DNAH6: variants seen among roughly 807,000 people sequenced by gnomAD.
DNAH6 encodes dynein axonemal heavy chain 6, also known as axonemal beta dynein heavy chain 6.
A neutral mutation model predicts 491.4 loss-of-function variants in DNAH6; 340 were observed. The ratio of observed to expected loss-of-function variants is 0.69; its 90% CI spans 0.63 to 0.76. The LOEUF (loss-of-function observed/expected upper bound fraction) is 0.76. Ranked by LOEUF, DNAH6 falls within the 30% of genes least tolerant of loss-of-function variation. The pLI, the probability that DNAH6 is intolerant of heterozygous loss-of-function variation, is 0.00. For synonymous variants in DNAH6, 1,603 were observed against 1,686.1 expected, an observed-to-expected ratio of 0.95 and a Z score of 1.21; for missense variants, 4,443 against 4,972.2, an observed-to-expected ratio of 0.89 and a Z score of 3.20.
At chr2:84,733,752 G>A (rs1404859440) in intron 62 of DNAH6, among the ~76,000 whole-genome samples, 173 bp downstream of exon 62, 1 of 151,892 alleles carries the variant, frequency 6.6e-6, no homozygotes, top group Non-Finnish European at 1.5e-5. Flanking sequence ...CGAATGCTTG[G>A]CCCATGAATT....
At chr2:84,496,759 T>C in the DNAH6 span, among the ~76,000 whole-genome samples, 1 of 152,144 alleles carries the variant, frequency 6.6e-6, no homozygotes, top group African/African-American at 2.4e-5. Context: ...TTCAGTACAG[T>C]GAATTTGTAC....
At chr2:84,470,754 C>A in the DNAH6 span, among the ~76,000 whole-genome samples, 4 of 152,128 alleles carry the variant, frequency 2.6e-5, no homozygotes, top group Non-Finnish European at 4.4e-5. Context: ...TTACCCAGCT[C>A]CTGTTTGTTG....
In DNAH6 at chr2:84,640,574, G is replaced by A. The variant is rs1319377061; in HGVS notation, c.4966G>A (p.Ala1656Thr). 12 of 1,543,454 alleles carry A rather than the reference G, an allele frequency of 7.8e-6. No individual in the cohort carries two copies. Among genetic ancestry groups the A allele is most frequent in the Non-Finnish European group, 9.6e-6 (11 of 1,144,272 alleles). Residue 1656 changes from alanine to threonine, a missense_variant, in exon 32 of 77, where the codon GCT becomes ACT. Around this residue, in one of 3 missense-constraint regions of DNAH6, gnomAD observed 2,977 missense variants for 3,296.6 expected, o/e 0.90. Transcript: ENST00000389394. The stretch of plus-strand genomic sequence containing the variant: ...AGCTGTGAAGTCTGTCCTGGTCATG[G>A]CTGGGTAAGAAACCAAAGTAGTCAA... ...MRAVKSVLVM[A>T]GSLKRENPDL...
chr2:84,718,851 C>T (rs1697810699), intron 59 of DNAH6, among the ~76,000 whole-genome samples: 1 of 152,180 alleles, frequency 6.6e-6, no homozygotes, highest in South Asian at 2.1e-4. Flanking sequence ...AAGTTCTATG[C>T]AGTGGGAATC....
chr2:84,758,640 T>G (rs937559050), intron 63 of DNAH6, among the ~76,000 whole-genome samples: 6 of 152,174 alleles, frequency 3.9e-5, no homozygotes, highest in Non-Finnish European at 8.8e-5. Flanking sequence ...TGATTTAACG[T>G]ATGCAAATCA....
At chr2:84,691,752 T>G (rs527692954) in intron 45 of DNAH6, among the ~76,000 whole-genome samples, 2 of 152,364 alleles carry the variant, frequency 1.3e-5, no homozygotes, top group Admixed American at 1.3e-4. Flanking sequence ...CAAAGGATTT[T>G]CACATATCAT....
intron 63 of DNAH6, among the ~76,000 whole-genome samples, chr2:84,756,957 A>G (rs1024386419): frequency 6.6e-6 from 1 of 152,222 alleles, no homozygotes; most frequent in African/African-American, 2.4e-5. Flanking sequence ...TATAAAAAAG[A>G]GAGAGGAGCT....
At position 84,694,277 on chromosome 2, in the gene DNAH6, GGCAAT is replaced by G. The variant is rs1376518682; in HGVS notation, c.7324_7328del (p.Asn2442ProfsTer29). ...TGCTCGGATGATACGTCAAGAAAGA[GGCAAT>G]GCCCTGCTTGTTGGAGTAGGAGGCA... On this transcript the variant is annotated frameshift_variant, in exon 46 of 77. Coordinates refer to ENST00000389394, the MANE Select transcript of DNAH6 (RefSeq NM_001370.2). LOFTEE classifies it high-confidence loss of function. 1 of 1,551,994 alleles carries G rather than the reference GGCAAT, an allele frequency of 6.4e-7. No homozygotes were observed. The highest frequency in any genetic ancestry group is 1.4e-5 in the African/African-American group (1 of 73,066).
chr2:84,691,380 A>G (rs1694832346), intron 45 of DNAH6, among the ~76,000 whole-genome samples: 1 of 152,254 alleles, frequency 6.6e-6, no homozygotes, highest in Non-Finnish European at 1.5e-5. Context: ...ATAAGAAAGC[A>G]TTATTATCTA....
At chr2:84,734,146 CTTT>C (rs11314819) in intron 62 of DNAH6, among the ~76,000 whole-genome samples, 8 of 129,484 alleles carry the variant, frequency 6.2e-5, no homozygotes, top group Admixed American at 8.0e-5. Context: ...TAAAACTACA[CTTT>C]TTTTTTTTTT....
intron 64 of DNAH6, among the ~76,000 whole-genome samples, chr2:84,779,978 T>C (rs1676523861): frequency 6.6e-6 from 1 of 152,254 alleles, no homozygotes; most frequent in African/African-American, 2.4e-5. Context: ...CTCTTCTGGC[T>C]TGTAATGTTT....
At position 84,704,195 on chromosome 2, in the gene DNAH6, A is replaced by G; in HGVS notation, c.8358A>G (p.Ala2786=). The G allele has an allele frequency of 1.3e-6, 2 of 1,552,060 alleles. No homozygotes were observed. Among genetic ancestry groups the G allele is most frequent in the Non-Finnish European group, 1.7e-6 (2 of 1,147,068 alleles). The part of the protein sequence containing the change: ...ALPALDAANK[A]LDSLDKADIS... ...CTGCACTAGATGCTGCCAATAAAGCACTGGATTCCTTAGATAAGGCAGATA... is the reference window on the plus strand; with the variant it reads ...CTGCACTAGATGCTGCCAATAAAGCGCTGGATTCCTTAGATAAGGCAGATA... The change falls in exon 51 of 77, where the codon GCA becomes GCG. Residue 2786 remains alanine, a synonymous_variant. Coordinates refer to ENST00000389394, the MANE Select transcript of DNAH6 (RefSeq NM_001370.2).
At chr2:84,486,542 G>A in the DNAH6 span, among the ~76,000 whole-genome samples, 57 of 152,276 alleles carry the variant, frequency 3.7e-4, no homozygotes, top group African/African-American at 1.2e-3. Context: ...ATTGCCCAAG[G>A]CCTTAATCTT....
chr2:84,719,940 C>T (rs148917090), intron 59 of DNAH6, among the ~76,000 whole-genome samples: 10 of 152,114 alleles, frequency 6.6e-5, no homozygotes, highest in African/African-American at 2.4e-4. Context: ...ATCCTCTGGC[C>T]TCCCACTGTA....
Position 84,696,507 on chromosome 2 carries a change from C to G in DNAH6, c.7525-1068C>G, listed in dbSNP as rs569093009. Reference sequence around the variant, plus strand: ...ATTAGAAACTACACAAATTAGTTTACTTAAAACTTTAGGAGGGAACAAATG... The same window carrying G: ...ATTAGAAACTACACAAATTAGTTTAGTTAAAACTTTAGGAGGGAACAAATG... On this transcript the variant is annotated intron_variant, in intron 46 of 76. Coordinates refer to ENST00000389394, the MANE Select transcript of DNAH6 (RefSeq NM_001370.2). Among the ~76,000 whole-genome samples, 99 of 151,984 alleles carry G rather than the reference C, an allele frequency of 6.5e-4. 1 individual carries two copies. Among genetic ancestry groups the G allele is most frequent in the African/African-American group, 2.3e-3 (96 of 41,520 alleles).
At chr2:84,796,576 G>A (rs1318947680) in intron 69 of DNAH6, among the ~76,000 whole-genome samples, 151 bp downstream of exon 69, 1 of 152,134 alleles carries the variant, frequency 6.6e-6, no homozygotes, top group Non-Finnish European at 1.5e-5. Context: ...CTTCAGAGCT[G>A]GTTTGATAGT....
Position 84,616,210 on chromosome 2 carries a change from G to A in DNAH6, c.3476-676G>A, listed in dbSNP as rs1332941470. Reference sequence around the variant, plus strand: ...ATATCTGTTGAGTCCATTTGTTCTAGGGTATAGTTTAAGTTGTTTCTTTGT... The same window carrying A: ...ATATCTGTTGAGTCCATTTGTTCTAAGGTATAGTTTAAGTTGTTTCTTTGT... On this transcript the variant is annotated intron_variant, in intron 22 of 76. Transcript: ENST00000389394. Among the ~76,000 whole-genome samples, 19 of 152,146 alleles carry A rather than the reference G, an allele frequency of 1.2e-4. No homozygotes were observed. The South Asian group carries it at 3.7e-3, about 30-fold the overall frequency.
At chr2:84,563,289 T>C (rs1023394180) in intron 11 of DNAH6, among the ~76,000 whole-genome samples, 6 of 152,222 alleles carry the variant, frequency 3.9e-5, no homozygotes, top group African/African-American at 1.4e-4. Flanking sequence ...TGTTTTAAGT[T>C]CTTTGAGAAA....
chr2:84,536,389 C>T (rs773197370), intron 4 of DNAH6, among the ~76,000 whole-genome samples: 4 of 151,952 alleles, frequency 2.6e-5, no homozygotes, highest in Non-Finnish European at 5.9e-5. Flanking sequence ...GATTAGGAAT[C>T]GACAGCAAAA....
Sources: gnomAD v4.1 joint callset for allele counts (sites outside exome capture counted in the v4.1 genomes callset) on GRCh38, gnomAD v4.1.1 for gene constraint, gnomAD v4.1.1 regional missense constraint, MANE v1.5 for transcripts, NCBI Gene and HGNC (gene_info 2026-07-23, HGNC 2026-07-21) for gene names.